Variants in TRPC6 observed in about 807,000 individuals in gnomAD.
TRPC6 encodes transient receptor potential cation channel subfamily C member 6.
TRPC6 carries 55 observed loss-of-function variants against 90.7 expected under a neutral mutation model. The ratio of observed to expected loss-of-function variants is 0.61; its 90% CI spans 0.49 to 0.76. TRPC6 has a LOEUF of 0.76. TRPC6 is among the 30% of genes least tolerant of loss of function. The probability of loss-of-function intolerance (pLI) is 0.00; values close to 1 mark genes in which losing one functional copy is unlikely to be tolerated. For synonymous variants in TRPC6, 393 were observed against 393.0 expected (o/e 1.00, Z 0.00); for missense variants, 989 against 1,122.7 (o/e 0.88, Z 1.70).
chr11:101,502,777 C>A (rs1033382592), intron 2 of TRPC6, among the ~76,000 whole-genome samples: 1 of 152,104 alleles, frequency 6.6e-6, no homozygotes, highest in Non-Finnish European at 1.5e-5. Context: ...CAAGCACATA[C>A]TGAGCGTTTC....
intron 1 of TRPC6, among the ~76,000 whole-genome samples, chr11:101,573,311 C>T (rs1862005050): frequency 6.6e-6 from 1 of 152,132 alleles, no homozygotes; most frequent in Non-Finnish European, 1.5e-5. Context: ...AAGCGTAGAA[C>T]AGTAAAGGTA....
chr11:101,569,094 G>T lies in TRPC6; in HGVS notation c.170+14240C>A, dbSNP rs1283981235. ...TTGGATGAAGAGTCAAGACACATCA[G>T]TGTGCTGTATTCAGGAGACCCATCT... On this transcript the variant is annotated intron_variant, in intron 1 of 12. Coordinates refer to ENST00000344327, the MANE Select transcript of TRPC6 (RefSeq NM_004621.6). Among the ~76,000 whole-genome samples the T allele has an allele frequency of 2.6e-5, 4 of 151,960 alleles. No individual in the cohort carries two copies. In the East Asian group the frequency reaches 7.7e-4, roughly 29 times the overall value.
chr11:101,570,323 G>A (rs1861932341), intron 1 of TRPC6, among the ~76,000 whole-genome samples: 1 of 152,156 alleles, frequency 6.6e-6, no homozygotes, highest in Non-Finnish European at 1.5e-5. Context: ...ACTAATCCAG[G>A]TAGAGGTCAA....
chr11:101,474,518 G>A (rs1859368476), intron 6 of TRPC6, among the ~76,000 whole-genome samples: 1 of 152,132 alleles, frequency 6.6e-6, no homozygotes, highest in Non-Finnish European at 1.5e-5. Context: ...GTGGAATTAG[G>A]AGAGGATAAC....
intron 3 of TRPC6, 61 bp from the exon 4 acceptor site, chr11:101,489,162 T>G: frequency 2.1e-6 from 3 of 1,444,038 alleles, no homozygotes; most frequent in Non-Finnish European, 2.9e-6. Context: ...ATAAACGATT[T>G]TCATGTGTTC....
At chr11:101,543,914 A>T (rs1861234545) in intron 1 of TRPC6, among the ~76,000 whole-genome samples, 3 of 152,228 alleles carry the variant, frequency 2.0e-5, no homozygotes, top group Admixed American at 2.0e-4. Flanking sequence ...AACTTCTGAC[A>T]GCAAAAGAAA....
At chr11:101,561,175 A>T (rs1226915354) in intron 1 of TRPC6, among the ~76,000 whole-genome samples, 2 of 152,136 alleles carry the variant, frequency 1.3e-5, no homozygotes, top group African/African-American at 4.8e-5. Context: ...TATCAATTCT[A>T]TCAGTGGGTT....
At chr11:101,455,148 T>C (rs1338270062) in intron 10 of TRPC6, 47 bp from the exon 11 acceptor site, 1 of 1,492,400 alleles carries the variant, frequency 6.7e-7, no homozygotes, top group Non-Finnish European at 9.3e-7. Flanking sequence ...TACATTTTCT[T>C]TTAAATAAAG....
chr11:101,553,676 A>G (rs1022789637), intron 1 of TRPC6, among the ~76,000 whole-genome samples: 6 of 152,090 alleles, frequency 3.9e-5, no homozygotes, highest in African/African-American at 1.2e-4. Context: ...CTTAGCATAC[A>G]CTGGATCACA....
chr11:101,532,635 G>A (rs1418257404), intron 1 of TRPC6, among the ~76,000 whole-genome samples: 1 of 152,168 alleles, frequency 6.6e-6, no homozygotes, highest in Admixed American at 6.5e-5. Context: ...AAGAGAAGAG[G>A]TCTGATGAAA....
chr11:101,514,183 C>T (rs905321113), intron 1 of TRPC6, among the ~76,000 whole-genome samples: 4 of 152,108 alleles, frequency 2.6e-5, no homozygotes, highest in Admixed American at 2.6e-4. Flanking sequence ...ATTCATTCAT[C>T]AATTCAAATA....
chr11:101,569,038 A>G (rs2136881633), intron 1 of TRPC6, among the ~76,000 whole-genome samples: 1 of 152,342 alleles, frequency 6.6e-6, no homozygotes, highest in East Asian at 1.9e-4. Flanking sequence ...AACAGGCTAA[A>G]TGCCCCAATT....
chr11:101,526,423 C>G (rs1860780860), intron 1 of TRPC6, among the ~76,000 whole-genome samples: 1 of 152,194 alleles, frequency 6.6e-6, no homozygotes. Context: ...AGTTTAGTTT[C>G]TCTTCCTTCT....
chr11:101,521,851 T>C lies in TRPC6; in HGVS notation c.171-17053A>G, dbSNP rs187814112. On this transcript the variant is annotated intron_variant, in intron 1 of 12. Transcript: ENST00000344327. ...ACTGCCCCGCTGGGTTTCAGACTTG[T>C]ACAGGGCCTGTAACTCCTCCCTTTG... 8.1e-3 allele frequency among the ~76,000 whole-genome samples: 1,237 copies of C among 152,332 alleles called. 10 individuals carry two copies. The highest frequency in any genetic ancestry group is 0.023 in the South Asian group (109 of 4,824).
At chr11:101,551,546 T>C (rs1861450155) in intron 1 of TRPC6, among the ~76,000 whole-genome samples, 1 of 152,006 alleles carries the variant, frequency 6.6e-6, no homozygotes, top group Admixed American at 6.6e-5. Flanking sequence ...CTTCATGAAA[T>C]TGCTTTTCAT....
intron 1 of TRPC6, among the ~76,000 whole-genome samples, chr11:101,576,039 A>C (rs1862062609): frequency 6.6e-6 from 1 of 152,192 alleles, no homozygotes; most frequent in Non-Finnish European, 1.5e-5. Context: ...TGCCAGCCCC[A>C]TGGTCCACGT....
intron 1 of TRPC6, among the ~76,000 whole-genome samples, chr11:101,558,892 C>T (rs1344014668): frequency 6.6e-6 from 1 of 152,032 alleles, no homozygotes; most frequent in Non-Finnish European, 1.5e-5. Context: ...GAGATTTAAA[C>T]ATAAGATCAA....
At chr11:101,561,792 A>C (rs1248941336) in intron 1 of TRPC6, among the ~76,000 whole-genome samples, 9 of 151,462 alleles carry the variant, frequency 5.9e-5, no homozygotes, top group Middle Eastern at 3.5e-3. Flanking sequence ...ACCCCATTAA[A>C]AATATATGTA....
intron 10 of TRPC6, among the ~76,000 whole-genome samples, chr11:101,465,615 C>T (rs748605748): frequency 1.5e-4 from 23 of 152,134 alleles, no homozygotes; most frequent in Non-Finnish European, 2.9e-4. Context: ...ACAAAGTTTT[C>T]GTGCTGTGTT....
Sources: allele counts gnomAD v4.1 joint callset (sites outside exome capture counted in the v4.1 genomes callset), GRCh38; gene constraint gnomAD v4.1.1; transcripts MANE v1.5; gene names NCBI Gene and HGNC (gene_info 2026-07-23, HGNC 2026-07-21).